RAD51B: variants seen among roughly 807,000 people sequenced by gnomAD.
RAD51B encodes the protein DNA repair protein RAD51 homolog 2.
A neutral mutation model predicts 42.2 loss-of-function variants in RAD51B; 38 were observed. That is an observed-to-expected ratio of 0.90 (90% confidence interval 0.70 to 1.18). The LOEUF is 1.18. Among genes scored for constraint, RAD51B ranks in the 50% most tolerant of loss-of-function variants. RAD51B has a pLI of 0.00. For missense variants in RAD51B, 373 were observed against 400.7 expected, an observed-to-expected ratio of 0.93 and a Z score of 0.59; for synonymous variants, 154 against 145.2, an observed-to-expected ratio of 1.06 and a Z score of -0.43.
chr14:67,996,541 G>T (rs541251132), intron 7 of RAD51B, among the ~76,000 whole-genome samples: 1 of 152,266 alleles, frequency 6.6e-6, no homozygotes, highest in South Asian at 2.1e-4. Flanking sequence ...CAGATAGAGA[G>T]AACAGTCAGT....
chr14:68,004,525 T>C (rs746349273), intron 7 of RAD51B, among the ~76,000 whole-genome samples: 45 of 152,252 alleles, frequency 3.0e-4, no homozygotes, highest in Non-Finnish European at 5.0e-4. Flanking sequence ...CATGAAGATA[T>C]GGTAAAACTT....
rs559029832 is a variant in RAD51B, at chr14:68,370,495, C to T, written c.854-40929C>T. ...TATCCTAAGCATAATGCAAAGTTTT[C>T]AGCCAGGGATGGACATGACTTGACT... On this transcript the variant is annotated intron_variant, in intron 8 of 10. Coordinates refer to ENST00000471583, the MANE Select transcript of RAD51B (RefSeq NM_133510.4). Among the ~76,000 whole-genome samples the T allele has an allele frequency of 1.6e-4, 24 of 152,242 alleles. No homozygotes were observed. The South Asian group carries it at 5.0e-3, about 32-fold the overall frequency.
intron 10 of RAD51B, among the ~76,000 whole-genome samples, chr14:68,577,267 G>T (rs941857105): frequency 6.6e-6 from 1 of 152,130 alleles, no homozygotes; most frequent in Non-Finnish European, 1.5e-5. Context: ...TGAGTTCATG[G>T]ACACCCAAGG....
At chr14:67,957,091 G>A (rs1329627043) in intron 7 of RAD51B, among the ~76,000 whole-genome samples, 1 of 152,224 alleles carries the variant, frequency 6.6e-6, no homozygotes, top group Admixed American at 6.5e-5. Flanking sequence ...GTCAGTGAAT[G>A]GGTGAATAAG....
Position 67,991,527 on chromosome 14 carries a change from G to A in RAD51B, c.756+104323G>A, listed in dbSNP as rs138264939. Among the ~76,000 whole-genome samples the A allele has an allele frequency of 2.3e-3, 351 of 152,230 alleles. 1 individual carries two copies. Among genetic ancestry groups the A allele is most frequent in the African/African-American group, 8.2e-3 (340 of 41,540 alleles). On this transcript the variant is annotated intron_variant, in intron 7 of 10. Transcript: ENST00000471583. ...GAGAGGGATATGATATAAAAATACG[G>A]TTATGTTGTTATGCAGCTGGCTGAA...
intron 8 of RAD51B, among the ~76,000 whole-genome samples, chr14:68,367,443 A>G (rs2083164963): frequency 6.6e-6 from 1 of 152,152 alleles, no homozygotes; most frequent in South Asian, 2.1e-4. Flanking sequence ...TAATTTGTTC[A>G]CTCAGTATTT....
intron 10 of RAD51B, among the ~76,000 whole-genome samples, chr14:68,590,826 C>T (rs1392760485): frequency 6.6e-6 from 1 of 152,200 alleles, no homozygotes; most frequent in African/African-American, 2.4e-5. Flanking sequence ...GCCCATGATC[C>T]ACCCAATGCT....
intron 7 of RAD51B, among the ~76,000 whole-genome samples, chr14:67,921,178 A>T (rs1205964680): frequency 6.6e-6 from 1 of 152,168 alleles, no homozygotes; most frequent in Non-Finnish European, 1.5e-5. Context: ...GGAAAATCAG[A>T]GTCCTTAGAG....
intron 7 of RAD51B, among the ~76,000 whole-genome samples, chr14:67,918,640 A>T (rs2044231560): frequency 6.6e-6 from 1 of 152,204 alleles, no homozygotes; most frequent in Non-Finnish European, 1.5e-5. Context: ...GGGGAAAAAG[A>T]CATATTACCA....
At chr14:67,946,365 G>T (rs115109486) in intron 7 of RAD51B, among the ~76,000 whole-genome samples, 8,899 of 151,450 alleles carry the variant, frequency 0.059, 616 homozygotes, top group African/African-American at 0.17. Flanking sequence ...TTTTGTTGTT[G>T]TTGTTGTTGT....
At chr14:67,896,160 T>C (rs534435902) in intron 7 of RAD51B, among the ~76,000 whole-genome samples, 14 of 152,328 alleles carry the variant, frequency 9.2e-5, no homozygotes, top group African/African-American at 3.4e-4. Flanking sequence ...AGGTGTCCAA[T>C]ATATATTTGT....
At chr14:68,569,862 C>A (rs1281861500) in intron 10 of RAD51B, among the ~76,000 whole-genome samples, 2 of 152,184 alleles carry the variant, frequency 1.3e-5, no homozygotes, top group Non-Finnish European at 1.5e-5. Context: ...GCCAAGCTAA[C>A]CCTGGAAAAG....
intron 10 of RAD51B, among the ~76,000 whole-genome samples, chr14:68,494,669 A>G (rs1163568805): frequency 6.6e-6 from 1 of 152,112 alleles, no homozygotes. Context: ...TTCATCTCCA[A>G]TTCCTGCCAT....
chr14:68,279,257 G>T (rs543474813), intron 7 of RAD51B, among the ~76,000 whole-genome samples: 9 of 152,330 alleles, frequency 5.9e-5, no homozygotes, highest in African/African-American at 1.9e-4. Context: ...AAAAAAGCTT[G>T]CTTGTCCTCT....
At chr14:68,562,320 G>A in intron 10 of RAD51B, 1 of 985,436 alleles carries the variant, frequency 1.0e-6, no homozygotes, top group Non-Finnish European at 1.2e-6. Flanking sequence ...CCTGACGAAG[G>A]CTGTGTGATC....
intron 10 of RAD51B, among the ~76,000 whole-genome samples, chr14:68,622,588 G>A (rs1891973586): frequency 6.6e-6 from 1 of 152,044 alleles, no homozygotes; most frequent in South Asian, 2.1e-4. Flanking sequence ...CCTAACACAG[G>A]GCTGGCACAT....
intron 7 of RAD51B, among the ~76,000 whole-genome samples, chr14:68,277,258 A>G (rs570791530): frequency 5.3e-5 from 8 of 152,328 alleles, no homozygotes; most frequent in Admixed American, 1.3e-4. Context: ...ATAGGTCCTA[A>G]TGCTATTATT....
In RAD51B at chr14:68,309,074, G is replaced by A. The variant is rs1185158503; in HGVS notation, c.853+17094G>A. ...CACTACACTATTTGATGATGTTTCT[G>A]TGTCACTTAAGATGGGCGTTTCATA... On this transcript the variant is annotated intron_variant, in intron 8 of 10. Coordinates refer to ENST00000471583, the MANE Select transcript of RAD51B (RefSeq NM_133510.4). Among the ~76,000 whole-genome samples, 4 of 152,126 alleles carry A rather than the reference G, an allele frequency of 2.6e-5. No homozygotes were observed. In the South Asian group the frequency reaches 8.3e-4, roughly 32 times the overall value.
intron 7 of RAD51B, among the ~76,000 whole-genome samples, chr14:68,167,586 C>T (rs1192067582): frequency 1.3e-5 from 2 of 152,054 alleles, no homozygotes; most frequent in African/African-American, 4.8e-5. Context: ...ACCATATTTT[C>T]CTCCTCAAGT....
Sources: allele counts gnomAD v4.1 joint callset (sites outside exome capture counted in the v4.1 genomes callset), GRCh38; gene constraint gnomAD v4.1.1; transcripts MANE v1.5; gene names NCBI Gene and HGNC (gene_info 2026-07-23, HGNC 2026-07-21).